The following SPON1 variants were observed in gnomAD, a reference collection of about 807,000 sequenced individuals.
SPON1 encodes the protein spondin 1, also known as spondin-1.
In SPON1, 52 loss-of-function variants were observed where a neutral mutation model predicts 111.7. That is an observed-to-expected ratio of 0.47 (90% CI 0.37 to 0.59). The LOEUF (loss-of-function observed/expected upper bound fraction) is 0.59, where lower values mean the gene tolerates loss of function less well. Among genes scored for constraint, SPON1 ranks in the 20% least tolerant of loss-of-function variants. SPON1 has a pLI of 0.00. For synonymous variants in SPON1, 410 were observed against 395.8 expected (o/e 1.04, Z -0.43); for missense variants, 957 against 1,068.5 (o/e 0.90, Z 1.46).
intron 6 of SPON1, among the ~76,000 whole-genome samples, chr11:14,181,910 AT>A (rs1320945832): frequency 1.3e-5 from 2 of 152,116 alleles, no homozygotes; most frequent in African/African-American, 4.8e-5. Flanking sequence ...ATGAAATCAG[AT>A]TTAGATATGC....
At chr11:14,130,186 G>T (rs1554927410) in intron 5 of SPON1, among the ~76,000 whole-genome samples, 2 of 152,300 alleles carry the variant, frequency 1.3e-5, no homozygotes, top group East Asian at 3.9e-4. Context: ...CAAAACTGAG[G>T]TTCAAGCCCA....
intron 6 of SPON1, among the ~76,000 whole-genome samples, chr11:14,191,078 A>G (rs1554934506): frequency 1.3e-5 from 2 of 152,226 alleles, no homozygotes; most frequent in Admixed American, 6.5e-5. Context: ...TTAGACCTCA[A>G]GTCTTTTAGC....
intron 6 of SPON1, among the ~76,000 whole-genome samples, chr11:14,203,166 C>A (rs1245563422): frequency 6.6e-6 from 1 of 152,154 alleles, no homozygotes; most frequent in African/African-American, 2.4e-5. Context: ...TTCTAAGCAA[C>A]GGAGCAGACC....
At chr11:14,036,797 A>G (rs987219262) in intron 2 of SPON1, among the ~76,000 whole-genome samples, 8 of 152,016 alleles carry the variant, frequency 5.3e-5, no homozygotes, top group Admixed American at 1.3e-4. Context: ...AAGAAAGTGG[A>G]GAGAGTGGAT....
Position 14,268,100 on chromosome 11 carries a change from G to GA in SPON1, c.*2419dup, listed in dbSNP as rs1362291633. ...CCTGGGTTTCTATAGACCCAGAACT[G>GA]AAAAAATAAACATCGTGCTGTTTTT... On this transcript the variant is annotated 3_prime_UTR_variant, in exon 16 of 16. Coordinates refer to ENST00000576479, the MANE Select transcript of SPON1 (RefSeq NM_006108.4). Among the ~76,000 whole-genome samples the GA allele has an allele frequency of 6.6e-6, 1 of 152,046 alleles. No homozygotes were observed. The highest frequency in any genetic ancestry group is 6.6e-5 in the Admixed American group (1 of 15,266).
intron 6 of SPON1, among the ~76,000 whole-genome samples, chr11:14,235,568 A>G (rs1388254011): frequency 6.6e-6 from 1 of 150,784 alleles, no homozygotes; most frequent in Admixed American, 6.6e-5. Context: ...AGTCCCAGCT[A>G]TTTGGTATGC....
At chr11:14,222,694 G>A (rs10832235) in intron 6 of SPON1, among the ~76,000 whole-genome samples, 18,988 of 152,142 alleles carry the variant, frequency 0.12, 1,396 homozygotes, top group South Asian at 0.23. Flanking sequence ...TCCAGCTTAA[G>A]GTTGCCCTCT....
chr11:14,016,539 T>C (rs1848445310), intron 2 of SPON1, among the ~76,000 whole-genome samples: 2 of 152,208 alleles, frequency 1.3e-5, no homozygotes, highest in African/African-American at 4.8e-5. Flanking sequence ...AACATACTAT[T>C]CGTTTATTGC....
intron 2 of SPON1, among the ~76,000 whole-genome samples, chr11:14,031,028 A>C (rs978885996): frequency 6.6e-6 from 1 of 152,244 alleles, no homozygotes; most frequent in Non-Finnish European, 1.5e-5. Flanking sequence ...CATAGCTATA[A>C]ATAATAAAAT....
chr11:14,105,058 T>G (rs1236511267), intron 5 of SPON1, among the ~76,000 whole-genome samples: 1 of 152,172 alleles, frequency 6.6e-6, no homozygotes, highest in African/African-American at 2.4e-5. Context: ...ACATGTTGAT[T>G]TCAGTTATTT....
chr11:14,185,581 A>T (rs1848277741), intron 6 of SPON1, among the ~76,000 whole-genome samples: 1 of 152,282 alleles, frequency 6.6e-6, no homozygotes, highest in African/African-American at 2.4e-5. Flanking sequence ...TACCAAACAG[A>T]TGAAATGTAT....
intron 1 of SPON1, among the ~76,000 whole-genome samples, chr11:13,972,189 T>G (rs1287084940): frequency 5.9e-5 from 9 of 152,186 alleles, no homozygotes; most frequent in African/African-American, 2.2e-4. Context: ...AGAATGATTA[T>G]CTCCTTGTCC....
chr11:14,152,463 C>G (rs553990694), intron 6 of SPON1, among the ~76,000 whole-genome samples: 1 of 152,296 alleles, frequency 6.6e-6, no homozygotes, highest in South Asian at 2.1e-4. Flanking sequence ...TTATGGGCAG[C>G]CTGTTCATTG....
At chr11:14,048,370 G>C (rs1564893401) in intron 3 of SPON1, among the ~76,000 whole-genome samples, 1 of 152,338 alleles carries the variant, frequency 6.6e-6, no homozygotes. Context: ...TGGTGTTTGA[G>C]TAATATTCCT....
Position 14,180,687 on chromosome 11 carries a change from G to A in SPON1, c.825+45119G>A, listed in dbSNP as rs567464456. Among the ~76,000 whole-genome samples, 5 of 152,298 alleles carry A rather than the reference G, an allele frequency of 3.3e-5. No individual in the cohort carries two copies. In the East Asian group the frequency reaches 5.8e-4, roughly 18 times the overall value. On this transcript the variant is annotated intron_variant, in intron 6 of 15. Coordinates refer to ENST00000576479, the MANE Select transcript of SPON1 (RefSeq NM_006108.4). The stretch of plus-strand genomic sequence containing the variant: ...AGACTGGGCAGTTCCTGAGGACAGG[G>A]ACTATGCCTTCTTTAAGTCAGGGAG...
At chr11:14,143,642 G>A (rs1406578864) in intron 6 of SPON1, among the ~76,000 whole-genome samples, 2 of 151,926 alleles carry the variant, frequency 1.3e-5, no homozygotes, top group Non-Finnish European at 2.9e-5. Flanking sequence ...GCAAGAATTA[G>A]ACTGAGTTGC....
At chr11:14,202,946 G>A (rs886153560) in intron 6 of SPON1, among the ~76,000 whole-genome samples, 13 of 152,102 alleles carry the variant, frequency 8.5e-5, no homozygotes, top group African/African-American at 2.9e-4. Flanking sequence ...CATGCTAATA[G>A]TGTCTGTCTA....
intron 6 of SPON1, among the ~76,000 whole-genome samples, chr11:14,212,711 T>C (rs1226792206): frequency 6.6e-6 from 1 of 152,236 alleles, no homozygotes; most frequent in Non-Finnish European, 1.5e-5. Context: ...CTGTTCTCTT[T>C]CCTAATGCTG....
At chr11:14,149,384 G>A (rs1847761862) in intron 6 of SPON1, among the ~76,000 whole-genome samples, 1 of 152,184 alleles carries the variant, frequency 6.6e-6, no homozygotes, top group African/African-American at 2.4e-5. Context: ...TGTACAACAT[G>A]CACTGTGTTG....
Sources: allele counts gnomAD v4.1 joint callset (sites outside exome capture counted in the v4.1 genomes callset), GRCh38; gene constraint gnomAD v4.1.1; transcripts MANE v1.5; gene names NCBI Gene and HGNC (gene_info 2026-07-23, HGNC 2026-07-21).